Variants in MCC observed in about 807,000 individuals in gnomAD.
The protein encoded by MCC is colorectal mutant cancer protein.
A neutral mutation model predicts 116.2 loss-of-function variants in MCC; 90 were observed. That is an observed-to-expected ratio of 0.77 (90% CI 0.65 to 0.92). The LOEUF is 0.92. Among genes scored for constraint, MCC ranks in the 40% least tolerant of loss-of-function variants. The pLI is 0.00. For synonymous variants in MCC, 578 were observed against 510.5 expected (o/e 1.13, Z -1.78); for missense variants, 1,516 against 1,312.2 (o/e 1.16, Z -2.40).
chr5:113,241,324 A>G (rs1171525506), intron 3 of MCC, among the ~76,000 whole-genome samples: 1 of 152,248 alleles, frequency 6.6e-6, no homozygotes, highest in African/African-American at 2.4e-5. Flanking sequence ...GGAAGATAGC[A>G]GAGGAGTGAT....
intron 1 of MCC, among the ~76,000 whole-genome samples, chr5:113,426,218 C>T (rs1052963005): frequency 5.9e-5 from 9 of 152,164 alleles, no homozygotes; most frequent in African/African-American, 1.7e-4. Flanking sequence ...CCTTATCTCC[C>T]TCTGGCCTGA....
chr5:113,145,768 ACACACACACACACACAAACACACAC>A (rs1759469062), intron 4 of MCC, among the ~76,000 whole-genome samples: 11 of 23,580 alleles, frequency 4.7e-4, no homozygotes, highest in Admixed American at 1.1e-3. Flanking sequence ...ACACACACAC[ACACACACACACACACAAACACACAC>A]ACACACACAC....
In MCC at chr5:113,199,542, G is replaced by C. The variant is rs111308336; in HGVS notation, c.628-48120C>G. Among the ~76,000 whole-genome samples the C allele has an allele frequency of 8.0e-3, 1,217 of 152,248 alleles. 7 individuals carry two copies. Among genetic ancestry groups the C allele is most frequent in the Non-Finnish European group, 0.013 (888 of 68,022 alleles). The stretch of plus-strand genomic sequence containing the variant: ...TTTGCTGCTTCCAGATTCTCAAAAG[G>C]ATTATCTAAAAAGAGTTAAAATTAG... On this transcript the variant is annotated intron_variant, in intron 3 of 18. Transcript: ENST00000408903.
chr5:113,311,876 G>C (rs1767142224), intron 3 of MCC, among the ~76,000 whole-genome samples: 1 of 152,176 alleles, frequency 6.6e-6, no homozygotes, highest in Non-Finnish European at 1.5e-5. Flanking sequence ...GGGAGGCTGA[G>C]GCGGGCAGAT....
intron 2 of MCC, among the ~76,000 whole-genome samples, chr5:113,350,985 A>G (rs538401787): frequency 1.3e-5 from 2 of 152,282 alleles, no homozygotes; most frequent in African/African-American, 4.8e-5. Context: ...CTACAATGAG[A>G]TATCATCTCA....
At chr5:113,149,507 G>A (rs1159561446) in intron 4 of MCC, among the ~76,000 whole-genome samples, 1 of 151,952 alleles carries the variant, frequency 6.6e-6, no homozygotes, top group Admixed American at 6.6e-5. Context: ...ATTTATCTTT[G>A]GGTAATCAAG....
chr5:113,345,013 C>T (rs1455338025), intron 2 of MCC, among the ~76,000 whole-genome samples: 5 of 151,904 alleles, frequency 3.3e-5, no homozygotes, highest in East Asian at 1.9e-4. Flanking sequence ...GGACCTGCCC[C>T]GGGCCAGAAG....
rs1333704067 is a variant in MCC at position 113,191,219 on chromosome 5, G to A, written c.628-39797C>T. Among the ~76,000 whole-genome samples, 3 of 152,166 alleles carry A rather than the reference G, an allele frequency of 2.0e-5. No homozygotes were observed. In the East Asian group the frequency reaches 5.8e-4, roughly 29 times the overall value. ...TCCAATGTTAGAAGTGGGAAAGGCT[G>A]GTCTCCCCCATCTGCCTCCGCACCA... On this transcript the variant is annotated intron_variant, in intron 3 of 18. Transcript: ENST00000408903.
chr5:113,432,510 T>C (rs1022937140), intron 1 of MCC: 3 of 152,106 alleles, frequency 2.0e-5, no homozygotes, highest in African/African-American at 4.8e-5. Context: ...ACCCCTCCCA[T>C]AGGGTTATGA....
chr5:113,459,105 A>C (rs1771664040), intron 1 of MCC, among the ~76,000 whole-genome samples: 1 of 137,700 alleles, frequency 7.3e-6, no homozygotes, highest in African/African-American at 2.7e-5. Context: ...TGATGGCAAC[A>C]ATGAGGTCTC....
At chr5:113,160,644 T>C (rs561780224) in intron 3 of MCC, among the ~76,000 whole-genome samples, 2 of 152,342 alleles carry the variant, frequency 1.3e-5, no homozygotes, top group South Asian at 2.1e-4. Context: ...TCTGAGATCC[T>C]TGCAAATACC....
chr5:113,341,360 T>C (rs995456829), intron 2 of MCC, among the ~76,000 whole-genome samples: 3 of 152,014 alleles, frequency 2.0e-5, no homozygotes, highest in Non-Finnish European at 4.4e-5. Flanking sequence ...AAAAAAATTT[T>C]TTTTGTAGAC....
At position 113,434,960 on chromosome 5, in the gene MCC, C is replaced by A. The variant is rs1580372105; in HGVS notation, c.171-49748G>T. The A allele has an allele frequency of 1.6e-6, 2 of 1,276,010 alleles. No individual in the cohort carries two copies. Among genetic ancestry groups the A allele is most frequent in the Non-Finnish European group, 2.1e-6 (2 of 932,182 alleles). The allele number at this position is 1,276,010 out of a possible 1,614,324, so 79.0% of individuals were successfully genotyped here. The stretch of plus-strand genomic sequence containing the variant: ...CTTTGGGCTGGCCAGGCCTGCTGTT[C>A]CTGCCTCCTAGAGGCCAAGACTCTG... On this transcript the variant is annotated intron_variant, in intron 1 of 18. Coordinates refer to ENST00000408903, the MANE Select transcript of MCC (RefSeq NM_001085377.2). The surrounding 1 kb of genome is among the most constrained non-coding windows in gnomAD (Gnocchi z 4.2).
intron 11 of MCC, among the ~76,000 whole-genome samples, chr5:113,077,657 G>C (rs1025656351): frequency 1.3e-5 from 2 of 152,230 alleles, no homozygotes; most frequent in African/African-American, 2.4e-5. Context: ...ATTTAAAGCA[G>C]TGTGTAGAGG....
intron 2 of MCC, among the ~76,000 whole-genome samples, chr5:113,381,922 T>C (rs998422792): frequency 6.6e-6 from 1 of 152,156 alleles, no homozygotes; most frequent in African/African-American, 2.4e-5. Context: ...GAGAACATGG[T>C]GTCAAGAAGT....
At chr5:113,031,621 ACT>A (rs1750961778) in intron 17 of MCC, among the ~76,000 whole-genome samples, 1 of 152,192 alleles carries the variant, frequency 6.6e-6, no homozygotes, top group African/African-American at 2.4e-5. Context: ...GTAACCACAA[ACT>A]CAATAAGAAA....
At chr5:113,129,161 GGCT>G (rs567423984) in intron 5 of MCC, among the ~76,000 whole-genome samples, 125 of 152,280 alleles carry the variant, frequency 8.2e-4, no homozygotes, top group African/African-American at 2.9e-3. Flanking sequence ...TGTGCCTTGG[GGCT>G]GCTGCTGTAT....
chr5:113,278,233 T>C (rs187486812), intron 3 of MCC, among the ~76,000 whole-genome samples: 3 of 152,270 alleles, frequency 2.0e-5, no homozygotes, highest in Admixed American at 2.0e-4. Flanking sequence ...CCTTAACCTG[T>C]CTGAGCTTCT....
chr5:113,188,934 G>A lies in MCC; in HGVS notation c.628-37512C>T, dbSNP rs902770861. On this transcript the variant is annotated intron_variant, in intron 3 of 18. Transcript: ENST00000408903. ...GTATTAGCTAACATAAATGAGAAAT[G>A]GATACTAAGCAAGAGAAAGTAAATG... 7.2e-5 allele frequency among the ~76,000 whole-genome samples: 11 copies of A among 152,180 alleles called. No homozygotes were observed. The East Asian group carries it at 1.7e-3, about 24-fold the overall frequency.
Sources: allele counts gnomAD v4.1 joint callset (sites outside exome capture counted in the v4.1 genomes callset), GRCh38; gene constraint gnomAD v4.1.1; non-coding constraint Gnocchi (gnomAD v3.1); transcripts MANE v1.5; gene names NCBI Gene and HGNC (gene_info 2026-07-23, HGNC 2026-07-21).